GAD2: variants seen among roughly 807,000 people sequenced by gnomAD.
GAD2 encodes 65 kDa glutamic acid decarboxylase.
GAD2 carries 22 observed loss-of-function variants against 80.1 expected under a neutral mutation model. The ratio of observed to expected loss-of-function variants is 0.27; its 90% CI spans 0.20 to 0.39. The LOEUF (loss-of-function observed/expected upper bound fraction) is 0.39. Ranked by LOEUF, GAD2 falls within the 10% of genes least tolerant of loss-of-function variation. The pLI is 1.00. For missense variants in GAD2, 624 were observed against 738.4 expected, an observed-to-expected ratio of 0.85 and a Z score of 1.80; for synonymous variants, 274 against 256.9, an observed-to-expected ratio of 1.07 and a Z score of -0.64.
intron 7 of GAD2, 50 bp downstream of exon 7, chr10:26,229,827 G>A (rs369052494): frequency 3.6e-5 from 48 of 1,323,014 alleles, no homozygotes; most frequent in East Asian, 1.2e-4. Flanking sequence ...CATAAAGCCC[G>A]AGTTTAAGGA....
At chr10:26,263,834 T>C (rs1845037072) in intron 8 of GAD2, among the ~76,000 whole-genome samples, 1 of 152,222 alleles carries the variant, frequency 6.6e-6, no homozygotes, top group African/African-American at 2.4e-5. Flanking sequence ...TAGCAGTAAT[T>C]GGGGTCACTG....
chr10:26,262,178 T>C (rs954131863), intron 8 of GAD2, among the ~76,000 whole-genome samples: 4 of 151,990 alleles, frequency 2.6e-5, no homozygotes, highest in African/African-American at 9.7e-5. Flanking sequence ...ATGTTATTAG[T>C]AAACTTGCTA....
chr10:26,253,410 G>A (rs1844904430), intron 8 of GAD2, among the ~76,000 whole-genome samples: 1 of 152,196 alleles, frequency 6.6e-6, no homozygotes, highest in Admixed American at 6.5e-5. Flanking sequence ...GATTCATGAT[G>A]TGTAGCTGTA....
chr10:26,233,848 C>T (rs952081748), intron 7 of GAD2, among the ~76,000 whole-genome samples: 8 of 152,122 alleles, frequency 5.3e-5, no homozygotes, highest in Admixed American at 6.5e-5. Flanking sequence ...GCTGTGTTGA[C>T]TCAGTGAGGA....
chr10:26,268,750 G>A (rs1187145138), intron 8 of GAD2, among the ~76,000 whole-genome samples: 1 of 152,114 alleles, frequency 6.6e-6, no homozygotes, highest in African/African-American at 2.4e-5. Context: ...TTATTCAAAG[G>A]TTTGGAATAA....
intron 7 of GAD2, among the ~76,000 whole-genome samples, chr10:26,236,894 C>T (rs1171248774): frequency 2.0e-5 from 3 of 152,276 alleles, no homozygotes; most frequent in Non-Finnish European, 2.9e-5. Flanking sequence ...CTACCCAGTC[C>T]ATCCAAACCT....
chr10:26,225,518 C>T (rs533415085), intron 6 of GAD2, among the ~76,000 whole-genome samples: 1 of 152,278 alleles, frequency 6.6e-6, no homozygotes, highest in East Asian at 1.9e-4. Context: ...ACAGGACCCA[C>T]CTGAGAGAGA....
At chr10:26,234,929 G>T (rs1204966473) in intron 7 of GAD2, among the ~76,000 whole-genome samples, 3 of 152,070 alleles carry the variant, frequency 2.0e-5, no homozygotes, top group African/African-American at 7.2e-5. Context: ...CTAGAGTGCA[G>T]TGGCGCCATC....
intron 8 of GAD2, among the ~76,000 whole-genome samples, chr10:26,259,941 T>C (rs1026860218): frequency 2.6e-5 from 4 of 152,122 alleles, no homozygotes; most frequent in Non-Finnish European, 5.9e-5. Flanking sequence ...ATTCTCCTAT[T>C]CCGGAAGCCA....
chr10:26,297,383 G>A (rs995459917), intron 15 of GAD2, among the ~76,000 whole-genome samples: 1 of 152,126 alleles, frequency 6.6e-6, no homozygotes, highest in Admixed American at 6.6e-5. Flanking sequence ...GCTTTACTAT[G>A]CACCCTCTTT....
chr10:26,216,959 C>T lies in GAD2; in HGVS notation c.76+74C>T. On this transcript the variant is annotated intron_variant, in intron 1 of 15. Coordinates refer to ENST00000376261, the MANE Select transcript of GAD2 (RefSeq NM_001134366.2). This position sits in a 1 kb window ranked among gnomAD's most constrained non-coding sequence, Gnocchi z 4.7. ...GGGGTTTGCGGAACTACGGAGAAGA[C>T]GAAGGAGGTTTTTCCACCTGCAACA... 2 of 1,338,900 alleles carry T rather than the reference C, an allele frequency of 1.5e-6. No individual in the cohort carries two copies. Among genetic ancestry groups the T allele is most frequent in the Non-Finnish European group, 2.1e-6 (2 of 952,558 alleles). The allele number at this position is 1,338,900 out of a possible 1,614,324, so 82.9% of individuals were successfully genotyped here.
At chr10:26,235,154 G>A (rs900908663) in intron 7 of GAD2, among the ~76,000 whole-genome samples, 4 of 152,198 alleles carry the variant, frequency 2.6e-5, no homozygotes, top group Non-Finnish European at 4.4e-5. Flanking sequence ...GATTACAGGC[G>A]TGAGCCACTG....
intron 8 of GAD2, among the ~76,000 whole-genome samples, chr10:26,265,159 T>C (rs535055444): frequency 2.4e-4 from 36 of 152,260 alleles, no homozygotes; most frequent in African/African-American, 8.2e-4. Flanking sequence ...CCTGGGATTT[T>C]TCCAGTCAAC....
chr10:26,237,465 C>T (rs1285278839), intron 7 of GAD2, among the ~76,000 whole-genome samples: 6 of 151,916 alleles, frequency 3.9e-5, no homozygotes, highest in Admixed American at 6.6e-5. Flanking sequence ...TAGTGCACTG[C>T]GCATGGCTCT....
At chr10:26,232,535 C>T (rs908829463) in intron 7 of GAD2, among the ~76,000 whole-genome samples, 1 of 136,228 alleles carries the variant, frequency 7.3e-6, no homozygotes, top group Non-Finnish European at 1.5e-5. Context: ...AGTGCTGTGG[C>T]GTGATCTCTG....
intron 8 of GAD2, among the ~76,000 whole-genome samples, chr10:26,256,677 TC>T (rs1844946978): frequency 6.6e-6 from 1 of 152,232 alleles, no homozygotes; most frequent in Non-Finnish European, 1.5e-5. Flanking sequence ...CTTAGGACTT[TC>T]AGGAGGTGAA....
At chr10:26,299,573 A>C (rs1834308472) in intron 15 of GAD2, among the ~76,000 whole-genome samples, 1 of 152,242 alleles carries the variant, frequency 6.6e-6, no homozygotes, top group South Asian at 2.1e-4. Flanking sequence ...TATAGCAATA[A>C]GAACTTAGGA....
chr10:26,218,222 T>G, intron 3 of GAD2: 9 of 411,302 alleles, frequency 2.2e-5, no homozygotes, highest in East Asian at 3.9e-5. Context: ...CGTGGCGCTC[T>G]TCCCCCAGCG....
At chr10:26,249,720 C>A (rs953041198) in intron 8 of GAD2, among the ~76,000 whole-genome samples, 3 of 152,318 alleles carry the variant, frequency 2.0e-5, no homozygotes, top group Middle Eastern at 3.4e-3. Context: ...GTCCACCAGG[C>A]CAGCTAGGCG....
Sources: allele counts gnomAD v4.1 joint callset (sites outside exome capture counted in the v4.1 genomes callset), GRCh38; gene constraint gnomAD v4.1.1; non-coding constraint Gnocchi (gnomAD v3.1); transcripts MANE v1.5; gene names NCBI Gene and HGNC (gene_info 2026-07-23, HGNC 2026-07-21).